TXK: variants seen among roughly 807,000 people sequenced by gnomAD.
TXK encodes the protein TXK tyrosine kinase.
In TXK, 60 loss-of-function variants were observed where a neutral mutation model predicts 81.0. That is an observed-to-expected ratio of 0.74 (90% confidence interval 0.60 to 0.92). The LOEUF (loss-of-function observed/expected upper bound fraction) is 0.92, where lower values mean the gene tolerates loss of function less well. Ranked by LOEUF, TXK falls within the 40% of genes least tolerant of loss-of-function variation. The pLI is 0.00. For missense variants in TXK, 581 were observed against 638.3 expected (o/e 0.91, Z 0.97); for synonymous variants, 203 against 210.7 (o/e 0.96, Z 0.32).
chr4:48,094,383 T>C (rs1375386249), intron 7 of TXK, among the ~76,000 whole-genome samples, 179 bp from the exon 8 acceptor site: 3 of 152,190 alleles, frequency 2.0e-5, no homozygotes, highest in Non-Finnish European at 2.9e-5. Context: ...AACTACATTA[T>C]TGGGGCCTTA....
chr4:48,128,857 G>A (rs1157134858), intron 1 of TXK, among the ~76,000 whole-genome samples: 2 of 152,002 alleles, frequency 1.3e-5, no homozygotes, highest in African/African-American at 2.4e-5. Context: ...GTGAGCCACC[G>A]CGCCCAGCCT....
At chr4:48,120,188 TACATACACACATATATAC>T (rs1297524684) in intron 1 of TXK, among the ~76,000 whole-genome samples, 1 of 94,234 alleles carries the variant, frequency 1.1e-5, no homozygotes, top group Non-Finnish European at 3.0e-5. Context: ...TGTGTATATA[TACATACACACATATATAC>T]GTATATATGT....
chr4:48,125,324 T>C (rs571648337), intron 1 of TXK, among the ~76,000 whole-genome samples: 45 of 152,310 alleles, frequency 3.0e-4, no homozygotes, highest in African/African-American at 1.0e-3. Flanking sequence ...CATCCCCCAG[T>C]TCCCTAGAAC....
Position 48,067,565 on chromosome 4 carries a change from C to T in TXK, c.*72G>A. 1 of 1,435,946 alleles carries T rather than the reference C, an allele frequency of 7.0e-7. No individual in the cohort carries two copies. Among genetic ancestry groups the T allele is most frequent in the Non-Finnish European group, 9.8e-7 (1 of 1,017,476 alleles). The allele number at this position is 1,435,946 out of a possible 1,614,324, so 89.0% of individuals were successfully genotyped here. A position where few individuals can be genotyped will look rare whatever the true frequency, so the allele number is the denominator to read the frequency against. ...GAAAGATATTCACCATAAGTGACCC[C>T]ATATGGTGAAGATATTCACAATAAA... On this transcript the variant is annotated 3_prime_UTR_variant, in exon 15 of 15. Transcript: ENST00000264316.
chr4:48,113,114 CT>C lies in TXK; in HGVS notation c.174+92del. 4 of 805,180 alleles carry C rather than the reference CT, an allele frequency of 5.0e-6. No homozygotes were observed. In the South Asian group the frequency reaches 5.5e-5, roughly 11 times the overall value. The allele number at this position is 805,180 out of a possible 1,614,324, so 49.9% of individuals were successfully genotyped here. Reference sequence around the variant, plus strand: ...CACTTATTTTATGCCAAGCAGGATACTAGATTCTGGGCAACAAACAGCACCT... The same window carrying C: ...CACTTATTTTATGCCAAGCAGGATACAGATTCTGGGCAACAAACAGCACCT... On this transcript the variant is annotated intron_variant, in intron 3 of 14. Coordinates refer to ENST00000264316, the MANE Select transcript of TXK (RefSeq NM_003328.3).
intron 6 of TXK, among the ~76,000 whole-genome samples, chr4:48,095,462 T>A (rs1717946978): frequency 6.6e-6 from 1 of 152,222 alleles, no homozygotes; most frequent in South Asian, 2.1e-4. Flanking sequence ...TACTTTAGAA[T>A]ACTGTTACTG....
chr4:48,105,042 T>TA (rs2109458023), intron 5 of TXK, 87 bp from the exon 6 acceptor site: 1 of 913,994 alleles, frequency 1.1e-6, no homozygotes, highest in East Asian at 2.8e-5. Flanking sequence ...TTTAAGAACT[T>TA]ACTTCAGAAC....
intron 5 of TXK, among the ~76,000 whole-genome samples, chr4:48,108,825 T>C (rs1560357306): frequency 6.6e-6 from 1 of 152,154 alleles, no homozygotes; most frequent in Non-Finnish European, 1.5e-5. Context: ...AAACAGGCTG[T>C]TATAGCCAGA....
intron 9 of TXK, among the ~76,000 whole-genome samples, chr4:48,088,053 A>C (rs1047586488): frequency 1.3e-5 from 2 of 152,228 alleles, no homozygotes; most frequent in African/African-American, 4.8e-5. Context: ...AATGGCCACT[A>C]AGCCAAATTG....
intron 11 of TXK, among the ~76,000 whole-genome samples, chr4:48,077,733 T>A (rs977693297): frequency 6.6e-6 from 1 of 152,118 alleles, no homozygotes; most frequent in African/African-American, 2.4e-5. Flanking sequence ...ATTTTTTTTT[T>A]AATGATCTAT....
intron 5 of TXK, among the ~76,000 whole-genome samples, chr4:48,107,701 TC>T (rs1451860916): frequency 6.6e-6 from 1 of 151,734 alleles, no homozygotes; most frequent in Non-Finnish European, 1.5e-5. Context: ...ATGCTCTCCC[TC>T]CCCTTGCCGC....
chr4:48,132,692 G>A (rs1395289321), intron 1 of TXK, among the ~76,000 whole-genome samples: 1 of 152,168 alleles, frequency 6.6e-6, no homozygotes. Context: ...GCTCATGCCT[G>A]TAATCCCAGC....
At chr4:48,075,585 G>A (rs770121735) in intron 12 of TXK, among the ~76,000 whole-genome samples, 1 of 152,124 alleles carries the variant, frequency 6.6e-6, no homozygotes, top group Non-Finnish European at 1.5e-5. Flanking sequence ...GGGAGGTCGA[G>A]GCTGCAGTGA....
chr4:48,070,766 A>G (rs1272274207), intron 14 of TXK, among the ~76,000 whole-genome samples: 2 of 151,686 alleles, frequency 1.3e-5, no homozygotes, highest in South Asian at 2.1e-4. Flanking sequence ...TTTAGTAGAG[A>G]CAGGGTTTCA....
At chr4:48,098,840 C>T (rs1478144999) in intron 6 of TXK, among the ~76,000 whole-genome samples, 7 of 151,876 alleles carry the variant, frequency 4.6e-5, no homozygotes, top group African/African-American at 1.5e-4. Context: ...GACTGAGGCA[C>T]GAGAATTGCT....
intron 6 of TXK, among the ~76,000 whole-genome samples, chr4:48,098,611 TACTC>T (rs1238706252): frequency 1.3e-5 from 2 of 152,002 alleles, no homozygotes; most frequent in African/African-American, 4.8e-5. Flanking sequence ...CAATAGCACT[TACTC>T]ACTTTAGTCT....
intron 1 of TXK, among the ~76,000 whole-genome samples, chr4:48,123,699 C>A (rs1159646755): frequency 2.0e-5 from 3 of 152,250 alleles, no homozygotes; most frequent in Middle Eastern, 3.4e-3. Flanking sequence ...GGCTAGTAAG[C>A]GGGGAGCCAG....
At chr4:48,122,552 G>A (rs1405783712) in intron 1 of TXK, among the ~76,000 whole-genome samples, 1 of 152,034 alleles carries the variant, frequency 6.6e-6, no homozygotes, top group East Asian at 1.9e-4. Context: ...CTTCTAACAT[G>A]CTGTGCAATT....
intron 1 of TXK, among the ~76,000 whole-genome samples, chr4:48,122,765 T>C (rs1181149176): frequency 6.6e-6 from 1 of 152,260 alleles, no homozygotes. Flanking sequence ...GCTCAGAGGA[T>C]GTACCTGTCT....
Sources: gnomAD v4.1 joint callset for allele counts (sites outside exome capture counted in the v4.1 genomes callset) on GRCh38, gnomAD v4.1.1 for gene constraint, MANE v1.5 for transcripts, NCBI Gene and HGNC (gene_info 2026-07-23, HGNC 2026-07-21) for gene names.